The following CDH11 variants were observed in gnomAD, a reference collection of about 807,000 sequenced individuals.
CDH11 encodes cadherin 11.
CDH11 carries 11 observed loss-of-function variants against 67.8 expected under a neutral mutation model. That is an observed-to-expected ratio of 0.16 (90% CI 0.10 to 0.27). CDH11 has a LOEUF of 0.27. Among genes scored for constraint, CDH11 ranks in the 10% least tolerant of loss-of-function variants. CDH11 has a pLI of 1.00. For synonymous variants in CDH11, 419 were observed against 400.0 expected (o/e 1.05, Z -0.57); for missense variants, 847 against 1,031.2 (o/e 0.82, Z 2.45).
chr16:64,944,145 G>C lies in CDH11; in HGVS notation c.*3458C>G. On this transcript the variant is annotated 3_prime_UTR_variant, in exon 13 of 13. Transcript: ENST00000268603. ...ATAAAGGCATCAGAATTCATTTTAA[G>C]TCTTTGGGAAGCCAGTGAAGAGGTT... 1 of 232,898 alleles carries C rather than the reference G, an allele frequency of 4.3e-6. No homozygotes were observed. The highest frequency in any genetic ancestry group is 8.5e-6 in the Non-Finnish European group (1 of 117,824). The allele number at this position is 232,898 out of a possible 1,614,324, so 14.4% of individuals were successfully genotyped here.
intron 1 of CDH11, among the ~76,000 whole-genome samples, chr16:65,103,122 G>A (rs989767706): frequency 7.2e-5 from 11 of 152,166 alleles, no homozygotes; most frequent in African/African-American, 2.4e-4. Flanking sequence ...TATTTTTTGC[G>A]TTCCATTGAA....
chr16:65,004,796 G>A lies in CDH11; in HGVS notation c.74C>T (p.Pro25Leu). The A allele has an allele frequency of 6.3e-7, 1 of 1,598,254 alleles. No individual in the cohort carries two copies. The highest frequency in any genetic ancestry group is 8.5e-7 in the Non-Finnish European group (1 of 1,172,556). Residue 25 changes from proline to leucine, a missense_variant, in exon 3 of 13, where the codon CCA (proline) becomes CTA (leucine). Physicochemically the swap from Pro to Leu is moderately conservative, Grantham distance 98. Coordinates refer to ENST00000268603, the MANE Select transcript of CDH11 (RefSeq NM_001797.4). ...GGGCCGCAGGTGCCCCCGCCGCTCT[G>A]GGGCAAAGGCATGGCTGTGGCACAG... ...GMLCHSHAFA[P>L]ERRGHLRPSF...
At chr16:65,037,408 C>T (rs1180822893) in intron 2 of CDH11, among the ~76,000 whole-genome samples, 1 of 152,122 alleles carries the variant, frequency 6.6e-6, no homozygotes, top group East Asian at 1.9e-4. Context: ...CTACACAGCC[C>T]CAAGTTTGGA....
chr16:64,983,626 A>G lies in CDH11; in HGVS notation c.1000-1325T>C, dbSNP rs1277940402. Among the ~76,000 whole-genome samples the G allele has an allele frequency of 2.0e-5, 3 of 152,268 alleles. No homozygotes were observed. The East Asian group carries it at 5.8e-4, about 29-fold the overall frequency. On this transcript the variant is annotated intron_variant, in intron 7 of 12. Coordinates refer to ENST00000268603, the MANE Select transcript of CDH11 (RefSeq NM_001797.4). ...GTTCAATATCCTTGATACTTTTTCT[A>G]TCATCTTCCCACCTCCATCTTCCCA...
intron 2 of CDH11, among the ~76,000 whole-genome samples, chr16:65,027,658 G>T (rs952044368): frequency 6.6e-6 from 1 of 152,176 alleles, no homozygotes; most frequent in Non-Finnish European, 1.5e-5. Context: ...CGACAGAAAG[G>T]CTTGCCCTTG....
intron 3 of CDH11, 84 bp from the exon 4 acceptor site, chr16:64,998,940 TGC>T: frequency 6.0e-5 from 64 of 1,066,980 alleles, no homozygotes; most frequent in Non-Finnish European, 7.6e-5. Context: ...AACAATCTGC[TGC>T]GCACACACAC....
chr16:65,067,562 C>CTCAT (rs749416059), intron 1 of CDH11, among the ~76,000 whole-genome samples: 1 of 152,084 alleles, frequency 6.6e-6, no homozygotes, highest in African/African-American at 2.4e-5. Context: ...TTCTTTATTG[C>CTCAT]TCATTCATTC....
chr16:64,994,105 A>G (rs1455886285), intron 4 of CDH11, among the ~76,000 whole-genome samples: 1 of 152,218 alleles, frequency 6.6e-6, no homozygotes, highest in African/African-American at 2.4e-5. Flanking sequence ...GCCAGTTTAC[A>G]CAGCCTATCA....
intron 2 of CDH11, among the ~76,000 whole-genome samples, chr16:65,045,553 GAT>G (rs1445916351): frequency 2.6e-5 from 4 of 151,634 alleles, no homozygotes; most frequent in Non-Finnish European, 4.4e-5. Context: ...ATTGGTGGCA[GAT>G]TTTAGTATAG....
chr16:65,095,267 T>A (rs1374451687), intron 1 of CDH11, among the ~76,000 whole-genome samples: 1 of 152,130 alleles, frequency 6.6e-6, no homozygotes, highest in Non-Finnish European at 1.5e-5. Flanking sequence ...TCTGGGAGAT[T>A]AGAGCTGGAT....
intron 2 of CDH11, among the ~76,000 whole-genome samples, chr16:65,052,707 A>C (rs2074078450): frequency 6.6e-6 from 1 of 152,218 alleles, no homozygotes; most frequent in Non-Finnish European, 1.5e-5. Flanking sequence ...CAGGATATAC[A>C]TAGATAATGG....
chr16:64,950,004 A>G (rs1457048443), intron 12 of CDH11, among the ~76,000 whole-genome samples: 1 of 152,158 alleles, frequency 6.6e-6, no homozygotes, highest in Admixed American at 6.5e-5. Context: ...GCATCATGGC[A>G]AAAGTGTAGG....
intron 11 of CDH11, among the ~76,000 whole-genome samples, chr16:64,963,349 T>C (rs1372769580): frequency 6.6e-6 from 1 of 152,106 alleles, no homozygotes; most frequent in Non-Finnish European, 1.5e-5. Context: ...TGGACACAGC[T>C]GAGGAAAGAA....
chr16:65,113,600 C>T (rs1221974266), intron 1 of CDH11, among the ~76,000 whole-genome samples: 1 of 152,048 alleles, frequency 6.6e-6, no homozygotes, highest in Non-Finnish European at 1.5e-5. Context: ...TTTAAGATGC[C>T]ACGTGGTAAA....
intron 1 of CDH11, among the ~76,000 whole-genome samples, chr16:65,067,429 T>C (rs997091639): frequency 6.6e-6 from 1 of 152,154 alleles, no homozygotes; most frequent in Non-Finnish European, 1.5e-5. Flanking sequence ...GAAGTATGCT[T>C]TCGAGGGAAG....
chr16:64,968,374 A>G, intron 11 of CDH11: 1 of 962,464 alleles, frequency 1.0e-6, no homozygotes, highest in Non-Finnish European at 1.2e-6. Context: ...CATCCATTAC[A>G]TATTTCTTGT....
At chr16:64,997,300 A>AAAATAAATAAAT (rs71143544) in intron 4 of CDH11, among the ~76,000 whole-genome samples, 6,792 of 125,064 alleles carry the variant, frequency 0.054, 256 homozygotes, top group Non-Finnish European at 0.065. Context: ...ACTCTGTCTC[A>AAAATAAATAAAT]AAATAAATAA....
chr16:65,012,916 C>G (rs1352136520), intron 2 of CDH11, among the ~76,000 whole-genome samples: 5 of 152,216 alleles, frequency 3.3e-5, no homozygotes, highest in African/African-American at 9.6e-5. Flanking sequence ...AAAAATAACT[C>G]TAGACCAAAA....
At chr16:65,022,545 C>T (rs1567533456) in intron 2 of CDH11, among the ~76,000 whole-genome samples, 1 of 152,190 alleles carries the variant, frequency 6.6e-6, no homozygotes. Flanking sequence ...GCCCAGTTTT[C>T]TTCCCCTGAA....
Sources: gnomAD v4.1 joint callset for allele counts (sites outside exome capture counted in the v4.1 genomes callset) on GRCh38, gnomAD v4.1.1 for gene constraint, MANE v1.5 for transcripts, NCBI Gene and HGNC (gene_info 2026-07-23, HGNC 2026-07-21) for gene names.